Variants in GALM observed in about 807,000 individuals in gnomAD.
GALM encodes aldose 1-epimerase.
A neutral mutation model predicts 37.4 loss-of-function variants in GALM; 43 were observed. That is an observed-to-expected ratio of 1.15 (90% CI 0.90 to 1.48). The LOEUF (loss-of-function observed/expected upper bound fraction) is 1.48. Ranked by LOEUF, GALM falls within the 40% of genes most tolerant of loss-of-function variation. The probability of loss-of-function intolerance (pLI) is 0.00; values close to 1 mark genes in which losing one functional copy is unlikely to be tolerated. For synonymous variants in GALM, 199 were observed against 170.6 expected (o/e 1.17, Z -1.30); for missense variants, 456 against 419.1 (o/e 1.09, Z -0.77).
At chr2:38,667,238 C>T (rs777204109) in intron 1 of GALM, among the ~76,000 whole-genome samples, 1 of 152,072 alleles carries the variant, frequency 6.6e-6, no homozygotes, top group Non-Finnish European at 1.5e-5. Flanking sequence ...ACTCTCTGCT[C>T]AGTGGTTGGG....
At chr2:38,670,895 C>T (rs1665082892) in intron 1 of GALM, among the ~76,000 whole-genome samples, 1 of 152,168 alleles carries the variant, frequency 6.6e-6, no homozygotes, top group South Asian at 2.1e-4. Context: ...ATAAGTCATT[C>T]TGTGAATGGG....
In GALM at chr2:38,681,479, C is replaced by T. The variant is rs370869605; in HGVS notation, c.545C>T (p.Ala182Val). 4 of 1,613,300 alleles carry T rather than the reference C, an allele frequency of 2.5e-6. No individual in the cohort carries two copies. The highest frequency in any genetic ancestry group is 3.4e-6 in the Non-Finnish European group (4 of 1,179,324). ...NLTNHSYFNL[A>V]GQASPNINDH... Reference sequence around the variant, plus strand: ...ACCAACCATTCTTACTTCAACCTGGCAGGCCAGGTAAGTGAACTTGTTTCT... The same window carrying T: ...ACCAACCATTCTTACTTCAACCTGGTAGGCCAGGTAAGTGAACTTGTTTCT... Residue 182 changes from alanine to valine, a missense_variant, in exon 3 of 7, where the codon GCA (alanine) becomes GTA (valine). Coordinates refer to ENST00000272252, the MANE Select transcript of GALM (RefSeq NM_138801.3).
chr2:38,713,740 C>T (rs372555143), intron 4 of GALM, among the ~76,000 whole-genome samples: 28 of 151,866 alleles, frequency 1.8e-4, no homozygotes, highest in African/African-American at 5.8e-4. Flanking sequence ...CCCATCCCTA[C>T]AAAAAAATTA....
intron 3 of GALM, chr2:38,682,269 T>G: frequency 2.2e-6 from 1 of 455,396 alleles, no homozygotes; most frequent in Non-Finnish European, 4.4e-6. Flanking sequence ...GAGGAGGATA[T>G]CATATCAGAC....
At chr2:38,669,163 A>G (rs570138397) in intron 1 of GALM, 1 of 152,372 alleles carries the variant, frequency 6.6e-6, no homozygotes, top group East Asian at 1.9e-4. Flanking sequence ...CAAAGAAAGA[A>G]GTAAAAACTA....
At position 38,733,832 on chromosome 2, in the gene GALM, G is replaced by A. The variant is rs1425562350; in HGVS notation, c.*267G>A. ...TGTCGTCATCTAAGCCCTGACCCTA[G>A]CCAGGGACTCCCATGCTGCTGTTGG... On this transcript the variant is annotated 3_prime_UTR_variant, in exon 7 of 7. Coordinates refer to ENST00000272252, the MANE Select transcript of GALM (RefSeq NM_138801.3). 11 of 437,488 alleles carry A rather than the reference G, an allele frequency of 2.5e-5. No individual in the cohort carries two copies. Among genetic ancestry groups the A allele is most frequent in the Non-Finnish European group, 4.2e-5 (10 of 236,542 alleles). The allele number at this position is 437,488 out of a possible 1,614,324, so 27.1% of individuals were successfully genotyped here.
At chr2:38,681,972 G>A (rs1665408621) in intron 3 of GALM, among the ~76,000 whole-genome samples, 1 of 152,252 alleles carries the variant, frequency 6.6e-6, no homozygotes, top group African/African-American at 2.4e-5. Context: ...CAGTACCGTG[G>A]AAAGAGCACT....
chr2:38,684,772 A>T (rs1665482551), intron 3 of GALM, among the ~76,000 whole-genome samples: 1 of 152,200 alleles, frequency 6.6e-6, no homozygotes. Flanking sequence ...GCGCCACTGG[A>T]CTCCATCTTG....
chr2:38,680,352 T>C (rs944423900), intron 2 of GALM, among the ~76,000 whole-genome samples: 7 of 152,172 alleles, frequency 4.6e-5, no homozygotes, highest in African/African-American at 1.7e-4. Flanking sequence ...TAAACTCTTC[T>C]TCATACTTTT....
At chr2:38,728,260 G>T (rs1336451926) in intron 4 of GALM, among the ~76,000 whole-genome samples, 1 of 151,818 alleles carries the variant, frequency 6.6e-6, no homozygotes, top group Non-Finnish European at 1.5e-5. Context: ...TGGGCGTGGT[G>T]GTGTGTGCCT....
intron 5 of GALM, among the ~76,000 whole-genome samples, chr2:38,730,091 A>C (rs1389744224): frequency 1.3e-5 from 2 of 152,198 alleles, no homozygotes; most frequent in African/African-American, 4.8e-5. Flanking sequence ...CATCTCCTGC[A>C]GCACTCACCG....
intron 4 of GALM, chr2:38,698,407 T>G (rs1454171358): frequency 7.7e-7 from 1 of 1,304,348 alleles, no homozygotes; most frequent in African/African-American, 1.5e-5. Flanking sequence ...AGAGCTCCTT[T>G]TACCCATGGA....
chr2:38,698,976 C>T (rs1404066607), intron 4 of GALM, among the ~76,000 whole-genome samples: 2 of 152,076 alleles, frequency 1.3e-5, no homozygotes, highest in Non-Finnish European at 2.9e-5. Flanking sequence ...TGCAATGGCA[C>T]ATCCTCGGCT....
chr2:38,673,825 G>A (rs1290866128), intron 1 of GALM, among the ~76,000 whole-genome samples: 8 of 141,104 alleles, frequency 5.7e-5, no homozygotes, highest in Admixed American at 7.0e-5. Flanking sequence ...AAAAAAAAAA[G>A]GGAACTCAAA....
At chr2:38,719,774 C>CAA (rs34403810) in intron 4 of GALM, among the ~76,000 whole-genome samples, 70,018 of 117,982 alleles carry the variant, frequency 0.59, 20,265 homozygotes, top group East Asian at 0.85. Flanking sequence ...AATTCTGTCT[C>CAA]AAAAAAAAAA....
chr2:38,682,725 C>T (rs564188271), intron 3 of GALM, among the ~76,000 whole-genome samples: 7 of 152,070 alleles, frequency 4.6e-5, no homozygotes, highest in African/African-American at 1.2e-4. Flanking sequence ...AGTGAAACCC[C>T]GTCTCTACTA....
chr2:38,718,987 A>C (rs1320197870), intron 4 of GALM, among the ~76,000 whole-genome samples: 1 of 151,942 alleles, frequency 6.6e-6, no homozygotes, highest in African/African-American at 2.4e-5. Flanking sequence ...TCATAGACCC[A>C]GTTCACTTTC....
intron 1 of GALM, among the ~76,000 whole-genome samples, chr2:38,672,408 T>A (rs559555354): frequency 2.6e-5 from 4 of 152,156 alleles, no homozygotes; most frequent in Admixed American, 2.0e-4. Context: ...TTAACCAGTG[T>A]ATGGGCTTTT....
chr2:38,730,374 C>T (rs1666579127), intron 5 of GALM, among the ~76,000 whole-genome samples: 1 of 152,162 alleles, frequency 6.6e-6, no homozygotes, highest in Non-Finnish European at 1.5e-5. Context: ...TCAAGTGATT[C>T]TCCTGCCTCA....
Sources: gnomAD v4.1 joint callset for allele counts (sites outside exome capture counted in the v4.1 genomes callset) on GRCh38, gnomAD v4.1.1 for gene constraint, MANE v1.5 for transcripts, NCBI Gene and HGNC (gene_info 2026-07-23, HGNC 2026-07-21) for gene names.